NTM: variants seen among roughly 807,000 people sequenced by gnomAD.
NTM encodes the protein IgLON family member 2.
In NTM, 13 loss-of-function variants were observed where a neutral mutation model predicts 42.1. That is an observed-to-expected ratio of 0.31 (90% CI 0.20 to 0.49). The LOEUF (loss-of-function observed/expected upper bound fraction) is 0.49, where lower values mean the gene tolerates loss of function less well. Among genes scored for constraint, NTM ranks in the 20% least tolerant of loss-of-function variants. NTM has a pLI of 0.99. For synonymous variants in NTM, 187 were observed against 179.2 expected (o/e 1.04, Z -0.35); for missense variants, 373 against 452.8 (o/e 0.82, Z 1.60).
At chr11:132,231,748 G>C (rs983028270) in intron 4 of NTM, among the ~76,000 whole-genome samples, 1 of 152,208 alleles carries the variant, frequency 6.6e-6, no homozygotes, top group Non-Finnish European at 1.5e-5. Flanking sequence ...CTGGATACCA[G>C]TCTGCCCAGT....
chr11:131,749,928 C>G (rs187442246), intron 1 of NTM, among the ~76,000 whole-genome samples: 13 of 152,302 alleles, frequency 8.5e-5, no homozygotes, highest in Admixed American at 6.5e-4. Context: ...GTCAGCTGTG[C>G]AGGGCAGACA....
At chr11:131,532,483 T>C (rs1351315441) in intron 1 of NTM, among the ~76,000 whole-genome samples, 4 of 152,224 alleles carry the variant, frequency 2.6e-5, no homozygotes, top group Admixed American at 6.5e-5. Context: ...AGACACTGGG[T>C]TGTTTCCACT....
chr11:131,891,089 C>A (rs1414255757), intron 1 of NTM, among the ~76,000 whole-genome samples: 1 of 152,168 alleles, frequency 6.6e-6, no homozygotes, highest in African/African-American at 2.4e-5. Context: ...TTCTATGAGT[C>A]TTTTCATCTA....
intron 2 of NTM, among the ~76,000 whole-genome samples, chr11:132,006,992 G>T (rs2070937599): frequency 6.6e-6 from 1 of 152,194 alleles, no homozygotes; most frequent in Admixed American, 6.5e-5. Flanking sequence ...TACTTCCAGT[G>T]CGAGACCCTC....
At chr11:132,332,975 G>A (rs867766023) in intron 8 of NTM, among the ~76,000 whole-genome samples, 3 of 152,102 alleles carry the variant, frequency 2.0e-5, no homozygotes, top group Admixed American at 6.5e-5. Context: ...GGGAGTGTGC[G>A]GGAATTGAAC....
intron 3 of NTM, among the ~76,000 whole-genome samples, chr11:132,169,718 A>G (rs1210076599): frequency 6.6e-6 from 1 of 152,166 alleles, no homozygotes; most frequent in African/African-American, 2.4e-5. Flanking sequence ...AAGAAGCAGA[A>G]TACTGACAGA....
At chr11:131,698,438 C>T (rs1025557705) in intron 1 of NTM, among the ~76,000 whole-genome samples, 14 of 152,140 alleles carry the variant, frequency 9.2e-5, no homozygotes, top group African/African-American at 1.4e-4. Context: ...GTGCTACATG[C>T]GTGCTCTGCT....
chr11:131,967,260 C>A (rs2062955381), intron 2 of NTM, among the ~76,000 whole-genome samples: 1 of 152,128 alleles, frequency 6.6e-6, no homozygotes, highest in African/African-American at 2.4e-5. Flanking sequence ...TAGAAGAGAT[C>A]ATCAGATGGA....
At chr11:131,385,412 C>T (rs1176790229) in intron 1 of NTM, 1 of 152,132 alleles carries the variant, frequency 6.6e-6, no homozygotes, top group Non-Finnish European at 1.5e-5. Context: ...CAACGAGGTA[C>T]AACTTCACAC....
chr11:132,161,986 C>A (rs193023611), intron 3 of NTM, among the ~76,000 whole-genome samples: 4 of 152,168 alleles, frequency 2.6e-5, no homozygotes, highest in Admixed American at 6.5e-5. Flanking sequence ...CATCCAACCC[C>A]GGTTGAAATT....
At chr11:131,424,600 C>CTTTCTTTTTTTTTTTTTTTTTTTT (rs1947878678) in intron 1 of NTM, among the ~76,000 whole-genome samples, 8 of 56,052 alleles carry the variant, frequency 1.4e-4, no homozygotes, top group African/African-American at 5.1e-4. Flanking sequence ...CTTTTCTTTT[C>CTTTCTTTTTTTTTTTTTTTTTTTT]TTTTTTTTTT....
intron 4 of NTM, among the ~76,000 whole-genome samples, chr11:132,227,078 G>C (rs140961915): frequency 6.6e-6 from 1 of 152,170 alleles, no homozygotes; most frequent in Admixed American, 6.5e-5. Context: ...AGAGCCAGAG[G>C]CTGGCTATCC....
chr11:131,597,726 T>G (rs1215418027), intron 1 of NTM, among the ~76,000 whole-genome samples: 1 of 152,208 alleles, frequency 6.6e-6, no homozygotes, highest in African/African-American at 2.4e-5. Flanking sequence ...GGAGAGAACA[T>G]TCAATTAAAA....
intron 1 of NTM, among the ~76,000 whole-genome samples, chr11:131,549,760 T>G (rs1195641010): frequency 2.6e-5 from 4 of 152,192 alleles, no homozygotes; most frequent in Non-Finnish European, 4.4e-5. Flanking sequence ...CATGCAGCCT[T>G]TAAAAGATCT....
At chr11:131,383,735 C>T (rs956145098) in intron 1 of NTM, among the ~76,000 whole-genome samples, 2 of 152,116 alleles carry the variant, frequency 1.3e-5, no homozygotes, top group African/African-American at 4.8e-5. Context: ...GCGTTGTATG[C>T]CTGAGAGTAA....
chr11:131,795,524 CAT>C, intron 1 of NTM: 1 of 985,390 alleles, frequency 1.0e-6, no homozygotes, highest in Middle Eastern at 5.2e-4. Context: ...TCGTCTGTCT[CAT>C]AGCCAGACAC....
chr11:132,309,649 G>T (rs7924653), intron 5 of NTM, among the ~76,000 whole-genome samples: 1,846 of 152,274 alleles, frequency 0.012, 30 homozygotes, highest in African/African-American at 0.042. Context: ...TCTTAGAGCG[G>T]CATCAAAAAG....
At chr11:131,689,494 C>T (rs1333157435) in intron 1 of NTM, among the ~76,000 whole-genome samples, 7 of 152,216 alleles carry the variant, frequency 4.6e-5, no homozygotes, top group African/African-American at 1.2e-4. Context: ...TATCTCAGTC[C>T]CTAGGCCAGA....
intron 1 of NTM, among the ~76,000 whole-genome samples, chr11:131,586,742 G>A (rs1047502918): frequency 1.3e-5 from 2 of 152,248 alleles, no homozygotes; most frequent in African/African-American, 2.4e-5. Flanking sequence ...TTTTCTATAA[G>A]ACTCTTTTCT....
Sources: gnomAD v4.1 joint callset for allele counts (sites outside exome capture counted in the v4.1 genomes callset) on GRCh38, gnomAD v4.1.1 for gene constraint, MANE v1.5 for transcripts, NCBI Gene and HGNC (gene_info 2026-07-23, HGNC 2026-07-21) for gene names.